Variants in CCDC178 observed in about 807,000 individuals in gnomAD.
The protein encoded by CCDC178 is coiled-coil domain containing 178, also known as coiled-coil domain-containing protein 178.
CCDC178 carries 126 observed loss-of-function variants against 117.4 expected under a neutral mutation model. That is an observed-to-expected ratio of 1.07 (90% confidence interval 0.93 to 1.24). The LOEUF is 1.24. Ranked by LOEUF, CCDC178 falls within the 50% of genes most tolerant of loss-of-function variation. CCDC178 has a pLI of 0.00. For missense variants in CCDC178, 1,030 were observed against 986.9 expected (o/e 1.04, Z -0.59); for synonymous variants, 283 against 313.4 (o/e 0.90, Z 1.02).
At chr18:33,008,639 A>G in intron 21 of CCDC178, among the ~76,000 whole-genome samples, 1 of 151,998 alleles carries the variant, frequency 6.6e-6, no homozygotes, top group Non-Finnish European at 1.5e-5. Context: ...TTGTTGTATA[A>G]GCTGTCTCTA....
intron 21 of CCDC178, among the ~76,000 whole-genome samples, chr18:33,063,228 A>T (rs2056956995): frequency 6.6e-6 from 1 of 151,988 alleles, no homozygotes; most frequent in South Asian, 2.1e-4. Context: ...GTGCCAACAC[A>T]TACCTGCACT....
At chr18:33,419,565 A>G (rs887432652) in intron 2 of CCDC178, among the ~76,000 whole-genome samples, 17 of 152,216 alleles carry the variant, frequency 1.1e-4, no homozygotes, top group Admixed American at 9.2e-4. Context: ...AGAATCTATA[A>G]GGAACTTGAG....
At chr18:32,958,204 T>C (rs1784237590) in intron 22 of CCDC178, 2 of 583,948 alleles carry the variant, frequency 3.4e-6, no homozygotes, top group Non-Finnish European at 6.3e-6. Flanking sequence ...TTTATTCTTT[T>C]TCCAAATCAT....
intron 22 of CCDC178, among the ~76,000 whole-genome samples, chr18:32,939,534 TGG>T (rs2054193049): frequency 6.6e-6 from 1 of 152,162 alleles, no homozygotes; most frequent in Admixed American, 6.5e-5. Flanking sequence ...GCTCAATTAA[TGG>T]GCTAGGAATG....
intron 21 of CCDC178, among the ~76,000 whole-genome samples, chr18:33,018,260 C>T (rs1598793768): frequency 6.6e-6 from 1 of 151,958 alleles, no homozygotes; most frequent in East Asian, 1.9e-4. Flanking sequence ...TGGTTAAAAA[C>T]CAATCAACCA....
intron 21 of CCDC178, among the ~76,000 whole-genome samples, chr18:32,986,389 C>T (rs1182511299): frequency 1.3e-5 from 2 of 151,974 alleles, no homozygotes; most frequent in Non-Finnish European, 2.9e-5. Flanking sequence ...GAAACTAGTG[C>T]AAATTGTCTC....
At chr18:33,411,227 T>C (rs2063848090) in intron 3 of CCDC178, among the ~76,000 whole-genome samples, 1 of 152,186 alleles carries the variant, frequency 6.6e-6, no homozygotes, top group Admixed American at 6.5e-5. Flanking sequence ...AGACTACCTA[T>C]TGTTCTCAAA....
At chr18:33,296,823 T>C (rs960100126) in intron 11 of CCDC178, among the ~76,000 whole-genome samples, 1 of 152,102 alleles carries the variant, frequency 6.6e-6, no homozygotes, top group African/African-American at 2.4e-5. Context: ...GGTCAGGAGT[T>C]TGAGACAAGC....
chr18:33,202,861 T>C (rs1298596090), intron 20 of CCDC178, among the ~76,000 whole-genome samples: 1 of 152,252 alleles, frequency 6.6e-6, no homozygotes, highest in Non-Finnish European at 1.5e-5. Context: ...TTATCTCTTA[T>C]TGTGTATCAC....
intron 20 of CCDC178, among the ~76,000 whole-genome samples, chr18:33,182,838 T>G (rs2144486792): frequency 6.6e-6 from 1 of 152,110 alleles, no homozygotes; most frequent in African/African-American, 2.4e-5. Flanking sequence ...TATATCCCAA[T>G]GTCTCTTTAA....
intron 15 of CCDC178, among the ~76,000 whole-genome samples, chr18:33,244,989 G>A (rs2059531113): frequency 6.6e-6 from 1 of 151,866 alleles, no homozygotes; most frequent in South Asian, 2.1e-4. Flanking sequence ...CCACACTCCT[G>A]GTGCTCCAAG....
intron 20 of CCDC178, among the ~76,000 whole-genome samples, chr18:33,167,944 T>G (rs2058553143): frequency 6.6e-6 from 1 of 152,146 alleles, no homozygotes; most frequent in African/African-American, 2.4e-5. Context: ...TTAATGGGTA[T>G]TTTTTTCTTG....
intron 21 of CCDC178, among the ~76,000 whole-genome samples, chr18:33,054,193 C>T (rs904058864): frequency 1.3e-5 from 2 of 152,156 alleles, no homozygotes; most frequent in Admixed American, 6.6e-5. Flanking sequence ...GAGTTCACTT[C>T]GCAATAAATA....
chr18:33,135,524 G>T (rs1246549184), intron 20 of CCDC178, among the ~76,000 whole-genome samples: 1 of 151,986 alleles, frequency 6.6e-6, no homozygotes, highest in Non-Finnish European at 1.5e-5. Flanking sequence ...CAATTACATA[G>T]AATTACATAG....
intron 6 of CCDC178, among the ~76,000 whole-genome samples, chr18:33,369,276 C>T (rs2063263997): frequency 6.6e-6 from 1 of 151,858 alleles, no homozygotes; most frequent in Non-Finnish European, 1.5e-5. Context: ...TCTAAGGTCA[C>T]TCTAAAGCCT....
chr18:33,162,222 A>G (rs2058473437), intron 20 of CCDC178, among the ~76,000 whole-genome samples: 1 of 152,200 alleles, frequency 6.6e-6, no homozygotes, highest in South Asian at 2.1e-4. Context: ...TAGGAGATAT[A>G]TCTAATGTTA....
intron 21 of CCDC178, among the ~76,000 whole-genome samples, chr18:33,015,536 G>A (rs2055968458): frequency 6.6e-6 from 1 of 151,886 alleles, no homozygotes; most frequent in East Asian, 1.9e-4. Context: ...CTGCACTCTA[G>A]CCTGAGAGAC....
At chr18:33,275,921 T>A (rs1324215282) in intron 12 of CCDC178, among the ~76,000 whole-genome samples, 1 of 151,972 alleles carries the variant, frequency 6.6e-6, no homozygotes, top group East Asian at 1.9e-4. Context: ...ATTAGATTCA[T>A]ATCTAATAAC....
intron 21 of CCDC178, among the ~76,000 whole-genome samples, chr18:33,078,057 C>A (rs1416726811): frequency 2.0e-5 from 3 of 152,150 alleles, no homozygotes; most frequent in Non-Finnish European, 4.4e-5. Flanking sequence ...CAAACCAAAT[C>A]CAGCAGCACA....
Sources: gnomAD v4.1 joint callset for allele counts (sites outside exome capture counted in the v4.1 genomes callset) on GRCh38, gnomAD v4.1.1 for gene constraint, MANE v1.5 for transcripts, NCBI Gene and HGNC (gene_info 2026-07-23, HGNC 2026-07-21) for gene names.